Variants in LRRC4C observed in about 807,000 individuals in gnomAD.
LRRC4C encodes leucine-rich repeat-containing protein 4C.
Under a neutral mutation model 33.6 loss-of-function variants are expected in LRRC4C, and 5 were observed. That is an observed-to-expected ratio of 0.15 (90% CI 0.08 to 0.31). The LOEUF (loss-of-function observed/expected upper bound fraction) is 0.31, where lower values mean the gene tolerates loss of function less well. Ranked by LOEUF, LRRC4C falls within the 10% of genes least tolerant of loss-of-function variation. The probability of loss-of-function intolerance (pLI) is 1.00; values close to 1 mark genes in which losing one functional copy is unlikely to be tolerated. For synonymous variants in LRRC4C, 329 were observed against 302.0 expected (o/e 1.09, Z -0.93); for missense variants, 560 against 796.7 (o/e 0.70, Z 3.58).
intron 1 of LRRC4C, among the ~76,000 whole-genome samples, chr11:40,940,521 C>T (rs1592143379): frequency 3.3e-5 from 5 of 152,256 alleles, no homozygotes; most frequent in Admixed American, 2.0e-4. Flanking sequence ...TGGATTTTGT[C>T]AGTAACTTAC....
chr11:41,432,917 T>G (rs1955291434), intron 1 of LRRC4C, among the ~76,000 whole-genome samples: 1 of 152,132 alleles, frequency 6.6e-6, no homozygotes. Context: ...ACTTTGATAC[T>G]TTGAATTAGA....
At chr11:40,388,061 T>G (rs1181944068) in intron 3 of LRRC4C, among the ~76,000 whole-genome samples, 1 of 152,158 alleles carries the variant, frequency 6.6e-6, no homozygotes, top group Non-Finnish European at 1.5e-5. Context: ...ATCTGATTTT[T>G]CATATGTAGT....
At chr11:40,440,788 C>T (rs1161319727) in intron 3 of LRRC4C, among the ~76,000 whole-genome samples, 3 of 152,086 alleles carry the variant, frequency 2.0e-5, no homozygotes, top group Non-Finnish European at 4.4e-5. Context: ...ACGCAGCCAA[C>T]AGTTCTGCTG....
At chr11:40,998,341 A>G (rs1050197201) in intron 1 of LRRC4C, among the ~76,000 whole-genome samples, 1 of 152,068 alleles carries the variant, frequency 6.6e-6, no homozygotes, top group Admixed American at 6.6e-5. Context: ...TCATTATCTA[A>G]TCTAGAGATG....
At chr11:41,180,647 G>C (rs553932606) in intron 1 of LRRC4C, among the ~76,000 whole-genome samples, 94 of 152,126 alleles carry the variant, frequency 6.2e-4, no homozygotes, top group African/African-American at 2.2e-3. Context: ...CTTTAAAATG[G>C]CCACCCAATA....
intron 1 of LRRC4C, among the ~76,000 whole-genome samples, chr11:41,398,051 C>T: frequency 6.6e-6 from 1 of 151,924 alleles, no homozygotes. Context: ...AATGGGGATG[C>T]ACTTGTGACA....
At chr11:41,427,932 C>T (rs952309122) in intron 1 of LRRC4C, among the ~76,000 whole-genome samples, 3 of 152,072 alleles carry the variant, frequency 2.0e-5, no homozygotes, top group Non-Finnish European at 2.9e-5. Flanking sequence ...ACCCCCACCC[C>T]TGCCAGCCAG....
intron 2 of LRRC4C, among the ~76,000 whole-genome samples, chr11:40,895,848 C>T (rs2136145218): frequency 6.6e-6 from 1 of 152,250 alleles, no homozygotes; most frequent in East Asian, 1.9e-4. Flanking sequence ...ATCCTGGCAT[C>T]TGAGCCCAAC....
At chr11:40,461,952 G>A (rs1952418234) in intron 3 of LRRC4C, among the ~76,000 whole-genome samples, 2 of 151,802 alleles carry the variant, frequency 1.3e-5, no homozygotes, top group African/African-American at 4.8e-5. Flanking sequence ...GAGAGAAGAA[G>A]GGAGGAATGA....
chr11:41,011,076 A>T (rs1404865578), intron 1 of LRRC4C, among the ~76,000 whole-genome samples: 1 of 152,190 alleles, frequency 6.6e-6, no homozygotes, highest in African/African-American at 2.4e-5. Flanking sequence ...CATTTTATAA[A>T]CTATAACTAC....
chr11:40,754,607 A>G (rs903550929), intron 2 of LRRC4C, among the ~76,000 whole-genome samples: 1 of 152,118 alleles, frequency 6.6e-6, no homozygotes, highest in Admixed American at 6.6e-5. Context: ...GCCAGAGACC[A>G]GGGCTTATGC....
intron 3 of LRRC4C, among the ~76,000 whole-genome samples, chr11:40,563,359 G>T (rs1000797302): frequency 1.3e-5 from 2 of 152,066 alleles, no homozygotes; most frequent in African/African-American, 4.8e-5. Flanking sequence ...TTGGGGAAAA[G>T]CCTGGTGGAG....
At chr11:40,536,255 GT>G (rs768299623) in intron 3 of LRRC4C, among the ~76,000 whole-genome samples, 6 of 152,018 alleles carry the variant, frequency 3.9e-5, no homozygotes, top group Non-Finnish European at 5.9e-5. Context: ...ATGCAGTGGT[GT>G]GATCTCAGCT....
chr11:40,774,740 T>C (rs570010426), intron 2 of LRRC4C, among the ~76,000 whole-genome samples: 1 of 152,162 alleles, frequency 6.6e-6, no homozygotes, highest in Admixed American at 6.5e-5. Flanking sequence ...ACTATTGATG[T>C]GCATTTTTGT....
At chr11:40,565,895 A>G (rs1434979743) in intron 3 of LRRC4C, among the ~76,000 whole-genome samples, 2 of 152,020 alleles carry the variant, frequency 1.3e-5, no homozygotes, top group Non-Finnish European at 2.9e-5. Context: ...CAGAATCTAT[A>G]ATTTGTCTAG....
intron 1 of LRRC4C, among the ~76,000 whole-genome samples, chr11:41,369,437 A>G (rs1350504818): frequency 1.3e-5 from 2 of 151,950 alleles, no homozygotes; most frequent in Non-Finnish European, 2.9e-5. Flanking sequence ...TAAGAAATGT[A>G]CACTAGGCTT....
intron 3 of LRRC4C, among the ~76,000 whole-genome samples, chr11:40,510,646 A>G (rs748152874): frequency 3.9e-5 from 6 of 152,206 alleles, no homozygotes; most frequent in African/African-American, 9.6e-5. Context: ...ATCATTTTAT[A>G]TGTGATCAGA....
chr11:41,047,642 C>G (rs1565333604), intron 1 of LRRC4C, among the ~76,000 whole-genome samples: 1 of 152,102 alleles, frequency 6.6e-6, no homozygotes, highest in Non-Finnish European at 1.5e-5. Flanking sequence ...TTTGATGACC[C>G]CATTCCTTGC....
intron 3 of LRRC4C, among the ~76,000 whole-genome samples, chr11:40,362,096 C>T (rs1468500849): frequency 2.0e-5 from 3 of 152,088 alleles, no homozygotes; most frequent in Non-Finnish European, 4.4e-5. Context: ...TCCTTACACT[C>T]TATACACAAA....
Sources: gnomAD v4.1 joint callset for allele counts (sites outside exome capture counted in the v4.1 genomes callset) on GRCh38, gnomAD v4.1.1 for gene constraint, MANE v1.5 for transcripts, NCBI Gene and HGNC (gene_info 2026-07-23, HGNC 2026-07-21) for gene names.